LHX9: variants seen among roughly 807,000 people sequenced by gnomAD.
LHX9 encodes the protein LIM/homeobox protein Lhx9.
Under a neutral mutation model 36.5 loss-of-function variants are expected in LHX9, and 9 were observed. The observed-to-expected ratio is 0.25, with a 90% CI of 0.15 to 0.43. The LOEUF (loss-of-function observed/expected upper bound fraction) is 0.43, where lower values mean the gene tolerates loss of function less well. LHX9 is among the 20% of genes least tolerant of loss of function. LHX9 has a pLI of 1.00. For missense variants in LHX9, 464 were observed against 526.4 expected (o/e 0.88, Z 1.16); for synonymous variants, 211 against 212.1 (o/e 0.99, Z 0.04).
At chr1:197,914,432 C>T (rs2102587993), upstream of LHX9, among the ~76,000 whole-genome samples, 1 of 151,936 alleles carries the variant, frequency 6.6e-6, no homozygotes, top group South Asian at 2.1e-4. Flanking sequence ...CACCGGGCCT[C>T]AGCCCCTCTG....
chr1:197,921,736 A>C lies in LHX9; in HGVS notation c.733+77A>C. On this transcript the variant is annotated intron_variant, in intron 3 of 4. Transcript: ENST00000367387. The surrounding 1 kb of genome is among the most constrained non-coding windows in gnomAD (Gnocchi z 4.6). ...TTCGTAGAGCTCCTTCCCCGTCCAA[A>C]GTCTTGCTGCAAGAGTGTGTTTTGC... is the stretch of plus-strand genomic sequence containing the variant. 8.1e-7 allele frequency: 1 copy of C among 1,231,272 alleles called. No homozygotes were observed. Among genetic ancestry groups the C allele is most frequent in the Non-Finnish European group, 1.1e-6 (1 of 902,778 alleles). The allele number at this position is 1,231,272 out of a possible 1,614,324, so 76.3% of individuals were successfully genotyped here.
chr1:197,917,292 G>A (rs1300816110), upstream of LHX9: 173 of 1,230,658 alleles, frequency 1.4e-4, no homozygotes, highest in Non-Finnish European at 1.8e-4. Flanking sequence ...CAGCTCCGGG[G>A]AGAGAACTCC....
chr1:197,928,940 G>A (rs1444826962), intron 4 of LHX9, 62 bp from the exon 5 acceptor site: 6 of 1,413,838 alleles, frequency 4.2e-6, no homozygotes, highest in East Asian at 2.6e-5. Context: ...AAAAGTGAGA[G>A]AGAAAGAAAA....
rs906722401 is a variant in LHX9, at chr1:197,929,133, C to T, written c.1068C>T (p.Pro356=). 2 of 1,613,534 alleles carry T rather than the reference C, an allele frequency of 1.2e-6. No individual in the cohort carries two copies. The highest frequency in any genetic ancestry group is 1.3e-5 in the African/African-American group (1 of 74,884). ...CAGACAGCGGAGCTCTCACTCCACC[C>T]GGCACTGCGACCACTTTAACAGACC... is the stretch of plus-strand genomic sequence containing the variant. ...PSADSGALTP[P]GTATTLTDLT... The change falls in exon 5 of 5, where the codon CCC becomes CCT. Residue 356 remains proline, a synonymous_variant. Coordinates refer to ENST00000367387, the MANE Select transcript of LHX9 (RefSeq NM_020204.3).
rs1367375832 is a variant in LHX9, at chr1:197,919,912, C to T, written c.175-60C>T. Reference sequence around the variant, plus strand: ...GGGCTTGGTCTGCCTGGGGGAGAACCCCGCGTCGTGCGGCTACACCGCGCG... The same window carrying T: ...GGGCTTGGTCTGCCTGGGGGAGAACTCCGCGTCGTGCGGCTACACCGCGCG... On this transcript the variant is annotated intron_variant, in intron 1 of 4. Transcript: ENST00000367387. The T allele has an allele frequency of 4.0e-5, 63 of 1,572,154 alleles. No homozygotes were observed. The South Asian group carries it at 6.4e-4, about 16-fold the overall frequency.
intron 3 of LHX9, among the ~76,000 whole-genome samples, chr1:197,922,516 C>G (rs1048033738): frequency 2.0e-5 from 3 of 152,198 alleles, no homozygotes; most frequent in African/African-American, 7.2e-5. Flanking sequence ...AGCCTGCCCC[C>G]ACTCCCCATC....
Position 197,929,155 on chromosome 1 carries a change from G to C in LHX9, c.1090G>C (p.Asp364His), listed in dbSNP as rs747657425. ...ACCCGGCACTGCGACCACTTTAACA[G>C]ACCTGACCAATCCCACTATCACTGT... The part of the protein sequence containing the change: ...TPPGTATTLT[D>H]LTNPTITVVT... The change falls in exon 5 of 5, where the codon GAC becomes CAC. Residue 364 changes from aspartate to histidine, a missense_variant. Asp to His is a moderately conservative substitution (Grantham distance 81). Around this residue, in one of 5 missense-constraint regions of LHX9, gnomAD observed 102 missense variants for 97.0 expected, o/e 1.05. Transcript: ENST00000367387. The C allele has an allele frequency of 7.4e-6, 12 of 1,612,868 alleles. No individual in the cohort carries two copies. The highest frequency in any genetic ancestry group is 9.3e-6 in the Non-Finnish European group (11 of 1,179,720).
At position 197,929,265 on chromosome 1, in the gene LHX9, G is replaced by T. The variant is rs907968424; in HGVS notation, c.*6G>T. The T allele has an allele frequency of 2.5e-5, 27 of 1,080,990 alleles. No individual in the cohort carries two copies. The highest frequency in any genetic ancestry group is 8.6e-5 in the African/African-American group (5 of 58,328). The allele number at this position is 1,080,990 out of a possible 1,614,324, so 67.0% of individuals were successfully genotyped here. On this transcript the variant is annotated 3_prime_UTR_variant, in exon 5 of 5. Transcript: ENST00000367387. The stretch of plus-strand genomic sequence containing the variant: ...CCTTAACAAACCTTTTCTAACATTG[G>T]TTTTTTTTTTTTAGTTTTTAAATTC...
chr1:197,918,098 A>G (rs1217839858), intron 1 of LHX9, 101 bp downstream of exon 1: 3 of 1,321,114 alleles, frequency 2.3e-6, no homozygotes, highest in African/African-American at 3.0e-5. Flanking sequence ...GGCGGGTCGT[A>G]GAGACGTCCG....
In LHX9 at chr1:197,918,017, C is replaced by A. The variant is rs1488533891; in HGVS notation, c.174+20C>A. Reference sequence around the variant, plus strand: ...GACGCGGTAAGGAAGGGCTCCGCCGCGGCGGTAGCCGGGCACCCCTGCGCC... The same window carrying A: ...GACGCGGTAAGGAAGGGCTCCGCCGAGGCGGTAGCCGGGCACCCCTGCGCC... On this transcript the variant is annotated intron_variant, in intron 1 of 4. Transcript: ENST00000367387. 6.2e-7 allele frequency: 1 copy of A among 1,603,038 alleles called. No individual in the cohort carries two copies. Among genetic ancestry groups the A allele is most frequent in the East Asian group, 2.2e-5 (1 of 44,792 alleles).
In LHX9 at chr1:197,929,754, GA is replaced by G; in HGVS notation, c.*499del. The G allele has an allele frequency of 1.1e-6, 1 of 945,780 alleles. No individual in the cohort carries two copies. The highest frequency in any genetic ancestry group is 1.8e-5 in the African/African-American group (1 of 56,546). The allele number at this position is 945,780 out of a possible 1,614,324, so 58.6% of individuals were successfully genotyped here. A position where few individuals can be genotyped will look rare whatever the true frequency, so the allele number is the denominator to read the frequency against. The stretch of plus-strand genomic sequence containing the variant: ...GTTACATTTTTTAAATCTTAAAACT[GA>G]AAACTTGTTTTTAGTATTTCTATTT... On this transcript the variant is annotated 3_prime_UTR_variant, in exon 5 of 5. Coordinates refer to ENST00000367387, the MANE Select transcript of LHX9 (RefSeq NM_020204.3).
intron 2 of LHX9, 52 bp downstream of exon 2, chr1:197,920,226 T>C (rs1557972809): frequency 6.4e-7 from 1 of 1,559,604 alleles, no homozygotes; most frequent in African/African-American, 1.4e-5. Context: ...GGAGGGGCCA[T>C]CTGCCTGAGC....
At chr1:197,920,437 GAA>G (rs1445988865) in intron 2 of LHX9, among the ~76,000 whole-genome samples, 1 of 152,168 alleles carries the variant, frequency 6.6e-6, no homozygotes, top group Non-Finnish European at 1.5e-5. Context: ...TTGGCTGGCG[GAA>G]CTTGGGGAAA....
At chr1:197,918,701 C>A in intron 1 of LHX9, 1 of 290,910 alleles carries the variant, frequency 3.4e-6, no homozygotes, top group South Asian at 7.7e-5. Context: ...GCTAATCAAC[C>A]ACCACTGTTT....
chr1:197,922,469 A>G (rs1359989809), intron 3 of LHX9, among the ~76,000 whole-genome samples: 1 of 152,202 alleles, frequency 6.6e-6, no homozygotes, highest in South Asian at 2.1e-4. Context: ...CCTATCATGT[A>G]TCAATCTCTC....
At position 197,930,031 on chromosome 1, in the gene LHX9, C is replaced by T. The variant is rs2102604064; in HGVS notation, c.*772C>T. ...TTTGACATTCCATACTTTTAACCTC[C>T]TAAAGCTAAAAACAATAGCTCGGAA... On this transcript the variant is annotated 3_prime_UTR_variant, in exon 5 of 5. Coordinates refer to ENST00000367387, the MANE Select transcript of LHX9 (RefSeq NM_020204.3). 2 of 981,730 alleles carry T rather than the reference C, an allele frequency of 2.0e-6. No individual in the cohort carries two copies. Among genetic ancestry groups the T allele is most frequent in the South Asian group, 4.7e-5 (1 of 21,196 alleles). 60.8% of individuals were successfully genotyped at this position (981,730 alleles called of 1,614,324 possible).
At chr1:197,920,548 A>G (rs1659951343) in intron 2 of LHX9, among the ~76,000 whole-genome samples, 1 of 151,982 alleles carries the variant, frequency 6.6e-6, no homozygotes, top group Admixed American at 6.6e-5. Flanking sequence ...GCGCCTTGAA[A>G]CTGAACTAGT....
upstream of LHX9, chr1:197,912,702 T>G: frequency 1.2e-6 from 1 of 858,692 alleles, no homozygotes; most frequent in Non-Finnish European, 2.0e-6. Context: ...TAAACCGCGC[T>G]TCGTAGGCTC....
chr1:197,922,552 C>A (rs1288787884), intron 3 of LHX9, among the ~76,000 whole-genome samples: 1 of 152,168 alleles, frequency 6.6e-6, no homozygotes, highest in African/African-American at 2.4e-5. Flanking sequence ...GTGATCGGCT[C>A]TGCAGATGAT....
Sources: gnomAD v4.1 joint callset for allele counts (sites outside exome capture counted in the v4.1 genomes callset) on GRCh38, gnomAD v4.1.1 for gene constraint, gnomAD v4.1.1 regional missense constraint, Gnocchi (gnomAD v3.1) non-coding constraint, MANE v1.5 for transcripts, NCBI Gene and HGNC (gene_info 2026-07-23, HGNC 2026-07-21) for gene names.